Variants in SLC17A4 observed in about 807,000 individuals in gnomAD.
SLC17A4 encodes probable small intestine urate exporter.
A neutral mutation model predicts 52.5 loss-of-function variants in SLC17A4; 33 were observed. The ratio of observed to expected loss-of-function variants is 0.63; its 90% CI spans 0.48 to 0.84. SLC17A4 has a LOEUF of 0.84. Ranked by LOEUF, SLC17A4 falls within the 40% of genes least tolerant of loss-of-function variation. SLC17A4 has a pLI of 0.00. For synonymous variants in SLC17A4, 225 were observed against 216.2 expected, an observed-to-expected ratio of 1.04 and a Z score of -0.36; for missense variants, 585 against 597.1, an observed-to-expected ratio of 0.98 and a Z score of 0.21.
rs754881809 is a variant in SLC17A4 at position 25,776,971 on chromosome 6, T to C, written c.1268+12T>C. 3 of 1,599,542 alleles carry C rather than the reference T, an allele frequency of 1.9e-6. No individual in the cohort carries two copies. Among genetic ancestry groups the C allele is most frequent in the Non-Finnish European group, 1.7e-6 (2 of 1,172,474 alleles). On this transcript the variant is annotated intron_variant, in intron 10 of 11. Coordinates refer to ENST00000377905, the MANE Select transcript of SLC17A4 (RefSeq NM_005495.3). Reference sequence around the variant, plus strand: ...GATATTGCTCCTCGGTAGGGACCTCTTTTGCCTCATCCTTTCAGACACTCA... The same window carrying C: ...GATATTGCTCCTCGGTAGGGACCTCCTTTGCCTCATCCTTTCAGACACTCA...
At chr6:25,773,785 A>G (rs72843517) in intron 8 of SLC17A4, 111 bp downstream of exon 8, 144,041 of 1,107,340 alleles carry the variant, frequency 0.13, 9,952 homozygotes, top group South Asian at 0.18. Context: ...GATTAGGACC[A>G]GGCAGGACCT....
At chr6:25,778,112 T>A in intron 11 of SLC17A4, 96 bp downstream of exon 11, 2 of 818,898 alleles carry the variant, frequency 2.4e-6, no homozygotes. Context: ...AAGATGCTTT[T>A]AAAGTAGTCA....
intron 2 of SLC17A4, among the ~76,000 whole-genome samples, chr6:25,768,720 A>G (rs544439858): frequency 6.6e-6 from 1 of 152,244 alleles, no homozygotes; most frequent in African/African-American, 2.4e-5. Context: ...TTCTCATCCC[A>G]GAGCCCTGCC....
At chr6:25,770,599 C>G in intron 5 of SLC17A4, 128 bp downstream of exon 5, 1 of 821,404 alleles carries the variant, frequency 1.2e-6, no homozygotes, top group Non-Finnish European at 2.1e-6. Context: ...AAGCACTACC[C>G]CATACTGCCT....
intron 8 of SLC17A4, among the ~76,000 whole-genome samples, chr6:25,774,679 T>C (rs1263397568): frequency 6.6e-6 from 1 of 152,146 alleles, no homozygotes; most frequent in African/African-American, 2.4e-5. Context: ...GATTTGTCTT[T>C]GGTGTGAGGC....
chr6:25,766,862 C>T lies in SLC17A4; in HGVS notation c.92-2123C>T, dbSNP rs559459084. On this transcript the variant is annotated intron_variant, in intron 2 of 11. Transcript: ENST00000377905. ...GAGAAAGTGTCATACCAAAGAAGAG[C>T]CCAAGGAGACATGACAACTAAGTGT... Among the ~76,000 whole-genome samples the T allele has an allele frequency of 2.0e-3, 302 of 152,204 alleles. 1 individual carries two copies. Among genetic ancestry groups the T allele is most frequent in the African/African-American group, 6.8e-3 (284 of 41,524 alleles).
At chr6:25,770,552 A>T (rs1762398719) in intron 5 of SLC17A4, 81 bp downstream of exon 5, 2 of 1,249,408 alleles carry the variant, frequency 1.6e-6, no homozygotes, top group Admixed American at 1.7e-5. Flanking sequence ...CCAAGATCTT[A>T]TATATCAATC....
At chr6:25,762,174 C>G in intron 2 of SLC17A4, 121 bp downstream of exon 2, 1 of 753,070 alleles carries the variant, frequency 1.3e-6, no homozygotes, top group East Asian at 2.8e-5. Flanking sequence ...ATTTTCCTTG[C>G]TACCACCAAT....
chr6:25,760,292 A>T (rs1486166734), intron 1 of SLC17A4, among the ~76,000 whole-genome samples: 1 of 151,956 alleles, frequency 6.6e-6, no homozygotes, highest in Non-Finnish European at 1.5e-5. Context: ...TTATTTTTTT[A>T]TTAGCTTGAA....
At chr6:25,759,000 G>A (rs548027958) in intron 1 of SLC17A4, among the ~76,000 whole-genome samples, 4 of 151,986 alleles carry the variant, frequency 2.6e-5, no homozygotes, top group South Asian at 4.2e-4. Context: ...GTTATGTCAC[G>A]GTTGTCGTTC....
chr6:25,779,304 A>C lies in SLC17A4; in HGVS notation c.*116A>C. On this transcript the variant is annotated 3_prime_UTR_variant, in exon 12 of 12. Coordinates refer to ENST00000377905, the MANE Select transcript of SLC17A4 (RefSeq NM_005495.3). ...GCCATTAGCTAGACCCTGACTATGT[A>C]ACGCTAAAGATTTTACCATGCCTGG... 7.1e-7 allele frequency: 1 copy of C among 1,405,836 alleles called. No homozygotes were observed. The highest frequency in any genetic ancestry group is 9.6e-7 in the Non-Finnish European group (1 of 1,040,046). 87.1% of individuals were successfully genotyped at this position (1,405,836 alleles called of 1,614,324 possible).
chr6:25,773,143 A>G (rs1312482608), intron 6 of SLC17A4, 132 bp from the exon 7 acceptor site: 3 of 748,970 alleles, frequency 4.0e-6, no homozygotes, highest in South Asian at 1.6e-5. Flanking sequence ...TGATAGGGCC[A>G]TGCAAGGGAT....
chr6:25,763,532 G>C (rs904086448), intron 2 of SLC17A4, among the ~76,000 whole-genome samples: 1 of 152,110 alleles, frequency 6.6e-6, no homozygotes, highest in Non-Finnish European at 1.5e-5. Flanking sequence ...AGACTCCCAG[G>C]GCACTGCTGG....
At chr6:25,773,742 T>C in intron 8 of SLC17A4, 68 bp downstream of exon 8, 1 of 1,529,748 alleles carries the variant, frequency 6.5e-7, no homozygotes, top group Non-Finnish European at 8.9e-7. Context: ...TCATATATAA[T>C]CCTCTGTCTG....
At chr6:25,765,197 T>TA (rs1201583474) in intron 2 of SLC17A4, among the ~76,000 whole-genome samples, 5 of 152,270 alleles carry the variant, frequency 3.3e-5, no homozygotes, top group African/African-American at 9.6e-5. Context: ...ATGTGTTAGA[T>TA]AAAAAAAGAA....
rs373781949 is a variant in SLC17A4 at position 25,770,462 on chromosome 6, G to T, written c.610G>T (p.Ala204Ser). The T allele has an allele frequency of 3.1e-6, 5 of 1,613,870 alleles. No homozygotes were observed. The African/African-American group carries it at 6.7e-5, about 22-fold the overall frequency. Residue 204 changes from alanine (A) to serine (S), a missense_variant, in exon 5 of 12, where the codon GCT becomes TCT. By Grantham distance (99) the Ala-to-Ser change is moderately conservative. Coordinates refer to ENST00000377905, the MANE Select transcript of SLC17A4 (RefSeq NM_005495.3). ...GGAAAGGAGTCAACTCACCACCATT[G>T]CTGGATCAGGTAACTGGTACCCTAA... is the stretch of plus-strand genomic sequence containing the variant. ...PLERSQLTTI[A>S]GSGSMLGSFI... is the part of the protein sequence containing the mutation.
At position 25,773,673 on chromosome 6, in the gene SLC17A4, A is replaced by C; in HGVS notation, c.986A>C (p.Asp329Ala). ...ISSVLQANLR[D>A]SGILSALPFV... Reference sequence around the variant, plus strand: ...TCGGTACTTCAAGCCAACCTCAGAGATGTAAGTACAGAGAAAGCTCATTCT... The same window carrying C: ...TCGGTACTTCAAGCCAACCTCAGAGCTGTAAGTACAGAGAAAGCTCATTCT... Residue 329 changes from aspartate to alanine, a missense_variant and splice_region_variant, in exon 8 of 12, where the codon GAT becomes GCT. Coordinates refer to ENST00000377905, the MANE Select transcript of SLC17A4 (RefSeq NM_005495.3). 6.2e-7 allele frequency: 1 copy of C among 1,612,888 alleles called. No homozygotes were observed. The highest frequency in any genetic ancestry group is 8.5e-7 in the Non-Finnish European group (1 of 1,179,364).
intron 1 of SLC17A4, among the ~76,000 whole-genome samples, chr6:25,759,342 TTGTTTCTTTGC>T (rs1463704876): frequency 2.6e-5 from 4 of 152,196 alleles, no homozygotes; most frequent in Admixed American, 2.6e-4. Flanking sequence ...TTTAAGTCCA[TTGTTTCTTTGC>T]TGACTTTCTG....
In SLC17A4 at chr6:25,773,215, G is replaced by C. The variant is rs1033598336; in HGVS notation, c.707-60G>C. On this transcript the variant is annotated intron_variant, in intron 6 of 11. Transcript: ENST00000377905. ...TCTGTCAACCACAGGAATCATCTTA[G>C]AGTCAAACTGAAAGAAGTACTTCAA... 27 of 1,295,176 alleles carry C rather than the reference G, an allele frequency of 2.1e-5. No individual in the cohort carries two copies. The Middle Eastern group carries it at 5.5e-4, about 27-fold the overall frequency. The allele number at this position is 1,295,176 out of a possible 1,614,324, so 80.2% of individuals were successfully genotyped here.
Sources: allele counts gnomAD v4.1 joint callset (sites outside exome capture counted in the v4.1 genomes callset), GRCh38; gene constraint gnomAD v4.1.1; transcripts MANE v1.5; gene names NCBI Gene and HGNC (gene_info 2026-07-23, HGNC 2026-07-21).